SLC20A2: variants seen among roughly 807,000 people sequenced by gnomAD.
The protein encoded by SLC20A2 is solute carrier family 20 member 2, also known as sodium-dependent phosphate transporter 2.
SLC20A2 carries 30 observed loss-of-function variants against 61.0 expected under a neutral mutation model. That is an observed-to-expected ratio of 0.49 (90% CI 0.37 to 0.67). The LOEUF is 0.67. Among genes scored for constraint, SLC20A2 ranks in the 30% least tolerant of loss-of-function variants. SLC20A2 has a pLI of 0.00. For synonymous variants in SLC20A2, 351 were observed against 353.3 expected (o/e 0.99, Z 0.07); for missense variants, 626 against 866.4 (o/e 0.72, Z 3.48).
intron 8 of SLC20A2, among the ~76,000 whole-genome samples, chr8:42,435,014 A>G (rs1366182419): frequency 6.6e-6 from 1 of 152,176 alleles, no homozygotes; most frequent in Non-Finnish European, 1.5e-5. Context: ...ACTGGCGTTT[A>G]AACTTCTAAT....
At chr8:42,495,597 G>C (rs187184019) in intron 1 of SLC20A2, among the ~76,000 whole-genome samples, 4 of 152,278 alleles carry the variant, frequency 2.6e-5, no homozygotes, top group Admixed American at 2.0e-4. Flanking sequence ...AAGATTGAAA[G>C]ACTGAATAGT....
chr8:42,468,641 C>T (rs1807373613), intron 2 of SLC20A2, among the ~76,000 whole-genome samples: 1 of 151,926 alleles, frequency 6.6e-6, no homozygotes, highest in Non-Finnish European at 1.5e-5. Flanking sequence ...GTGCAAGCCA[C>T]GACCTAGGGA....
chr8:42,527,697 G>A (rs1812063562), intron 1 of SLC20A2, among the ~76,000 whole-genome samples: 1 of 152,080 alleles, frequency 6.6e-6, no homozygotes, highest in African/African-American at 2.4e-5. Flanking sequence ...AAACCCAGGA[G>A]GTGGAGGCTG....
chr8:42,480,849 A>C (rs1180429600), intron 1 of SLC20A2, among the ~76,000 whole-genome samples: 3 of 152,050 alleles, frequency 2.0e-5, no homozygotes, highest in Non-Finnish European at 4.4e-5. Flanking sequence ...TTTGGTAGAG[A>C]CAAGTCTCAC....
At chr8:42,475,615 T>C (rs911482443) in intron 1 of SLC20A2, among the ~76,000 whole-genome samples, 13 of 151,982 alleles carry the variant, frequency 8.6e-5, no homozygotes, top group Non-Finnish European at 1.8e-4. Flanking sequence ...TTCACCACGT[T>C]GGCCAGGCTG....
chr8:42,530,924 T>C (rs1420839072), intron 1 of SLC20A2, among the ~76,000 whole-genome samples: 1 of 152,186 alleles, frequency 6.6e-6, no homozygotes, highest in Non-Finnish European at 1.5e-5. Context: ...TTTACCATGT[T>C]GGCCAGGCTG....
intron 1 of SLC20A2, among the ~76,000 whole-genome samples, chr8:42,484,419 A>G (rs1808788174): frequency 6.6e-6 from 1 of 152,242 alleles, no homozygotes; most frequent in Non-Finnish European, 1.5e-5. Flanking sequence ...TTAAGAAACC[A>G]TGAGCACTGG....
At chr8:42,536,638 G>T (rs1290816054) in intron 1 of SLC20A2, 1 of 152,140 alleles carries the variant, frequency 6.6e-6, no homozygotes, top group Non-Finnish European at 1.5e-5. Flanking sequence ...GCTTCAAACT[G>T]ACTTTATTCC....
chr8:42,424,426 C>T (rs150358676), intron 10 of SLC20A2, among the ~76,000 whole-genome samples: 5,061 of 152,210 alleles, frequency 0.033, 115 homozygotes, highest in Middle Eastern at 0.068. Context: ...AGCGATTCTC[C>T]GGCCTCAGCC....
At chr8:42,475,085 C>G (rs1444003947) in intron 1 of SLC20A2, among the ~76,000 whole-genome samples, 1 of 151,738 alleles carries the variant, frequency 6.6e-6, no homozygotes, top group East Asian at 2.0e-4. Flanking sequence ...GGGTTTTAAT[C>G]AGAGAGGGGT....
intron 1 of SLC20A2, among the ~76,000 whole-genome samples, chr8:42,509,098 T>C (rs148134329): frequency 2.9e-3 from 443 of 152,356 alleles, no homozygotes; most frequent in African/African-American, 1.0e-2. Flanking sequence ...TGTAGAATAG[T>C]GCCTGGTATA....
In SLC20A2 at chr8:42,437,529, T is replaced by C. The variant is rs1366552677; in HGVS notation, c.983A>G (p.Asn328Ser). 1 of 1,613,960 alleles carries C rather than the reference T, an allele frequency of 6.2e-7. No individual in the cohort carries two copies. Among genetic ancestry groups the C allele is most frequent in the Non-Finnish European group, 8.5e-7 (1 of 1,179,980 alleles). ...GTGGCCGTCGAAGCCGAAGGTGCCG[T>C]TGGAGATGGGCGATTTCACAGAGCC... ...THGSVKSPIS[N>S]GTFGFDGHTR... The change falls in exon 8 of 11, where the codon AAC (asparagine) becomes AGC (serine). Residue 328 changes from asparagine to serine, a missense_variant. Transcript: ENST00000520262. This position sits in a 1 kb window ranked among gnomAD's most constrained non-coding sequence, Gnocchi z 6.4.
intron 1 of SLC20A2, among the ~76,000 whole-genome samples, chr8:42,525,347 C>A (rs773636011): frequency 1.3e-5 from 2 of 151,928 alleles, no homozygotes; most frequent in African/African-American, 4.8e-5. Flanking sequence ...TTTGGGAGAC[C>A]GAGGTGGGTG....
At chr8:42,541,375 G>A (rs1446586744) in intron 1 of SLC20A2, 1 of 147,772 alleles carries the variant, frequency 6.8e-6, no homozygotes, top group Non-Finnish European at 1.5e-5. Context: ...GTCGGGCCGG[G>A]GGCTCGCGGG....
In SLC20A2 at chr8:42,521,451, G is replaced by A. The variant is rs1182513866; in HGVS notation, c.-265+20370C>T. Among the ~76,000 whole-genome samples, 5 of 120,494 alleles carry A rather than the reference G, an allele frequency of 4.1e-5. 1 individual carries two copies. The highest frequency in any genetic ancestry group is 1.7e-4 in the Admixed American group (2 of 11,872). 79.0% of individuals were successfully genotyped at this position (120,494 alleles called of 152,430 possible). On this transcript the variant is annotated intron_variant, in intron 1 of 10. Transcript: ENST00000342228. ...CAGCAGTTAGGGGCTTGCTATAAAG[G>A]GGTAGCAAAGGGAAAGCCTTGGGGT...
chr8:42,482,326 TTATC>T (rs1213165512), intron 1 of SLC20A2, among the ~76,000 whole-genome samples: 2 of 152,180 alleles, frequency 1.3e-5, no homozygotes, highest in Non-Finnish European at 1.5e-5. Context: ...CAGCCTCTCT[TTATC>T]TAATTTGAGG....
intron 1 of SLC20A2, among the ~76,000 whole-genome samples, chr8:42,499,082 G>A (rs1393559754): frequency 6.6e-6 from 1 of 152,192 alleles, no homozygotes; most frequent in African/African-American, 2.4e-5. Context: ...AGCACGGGCA[G>A]CTGGACAGAG....
chr8:42,539,773 T>C (rs538176195), intron 1 of SLC20A2, among the ~76,000 whole-genome samples: 23 of 152,360 alleles, frequency 1.5e-4, no homozygotes, highest in African/African-American at 5.5e-4. Context: ...TTTTCCAATG[T>C]CCTAGCATAG....
At chr8:42,429,577 G>C (rs34920874) in intron 9 of SLC20A2, among the ~76,000 whole-genome samples, 1 of 152,214 alleles carries the variant, frequency 6.6e-6, no homozygotes, top group Non-Finnish European at 1.5e-5. Context: ...ATGCGGTTGA[G>C]AGACCACATT....
Sources: allele counts gnomAD v4.1 joint callset (sites outside exome capture counted in the v4.1 genomes callset), GRCh38; gene constraint gnomAD v4.1.1; non-coding constraint Gnocchi (gnomAD v3.1); transcripts MANE v1.5; gene names NCBI Gene and HGNC (gene_info 2026-07-23, HGNC 2026-07-21).